OLFM3: variants seen among roughly 807,000 people sequenced by gnomAD.
OLFM3 encodes noelin-3.
A neutral mutation model predicts 48.6 loss-of-function variants in OLFM3; 20 were observed. The observed-to-expected ratio is 0.41, with a 90% CI of 0.29 to 0.60. The LOEUF is 0.60. OLFM3 is among the 20% of genes least tolerant of loss of function. The pLI is 0.28. For synonymous variants in OLFM3, 222 were observed against 198.1 expected (o/e 1.12, Z -1.01); for missense variants, 437 against 544.3 (o/e 0.80, Z 1.96).
chr1:101,853,090 C>T (rs1656285875), intron 1 of OLFM3, among the ~76,000 whole-genome samples: 1 of 152,020 alleles, frequency 6.6e-6, no homozygotes, highest in Non-Finnish European at 1.5e-5. Flanking sequence ...CCTAGATTCC[C>T]ATCTTTCTCA....
At chr1:101,817,884 T>G (rs1214877715) in intron 4 of OLFM3, among the ~76,000 whole-genome samples, 2 of 152,014 alleles carry the variant, frequency 1.3e-5, no homozygotes, top group Non-Finnish European at 2.9e-5. Flanking sequence ...ATTTATATTA[T>G]TTAAACTTTT....
At chr1:101,980,188 G>A (rs551596864) in intron 1 of OLFM3, among the ~76,000 whole-genome samples, 6 of 152,260 alleles carry the variant, frequency 3.9e-5, no homozygotes, top group African/African-American at 1.2e-4. Flanking sequence ...CAGATGAGAC[G>A]TTGGACTGTG....
chr1:101,978,561 T>TA (rs924945918), intron 1 of OLFM3, among the ~76,000 whole-genome samples: 11 of 152,166 alleles, frequency 7.2e-5, no homozygotes, highest in African/African-American at 2.2e-4. Context: ...AAAGTGCATT[T>TA]AAAAAATTAT....
intron 1 of OLFM3, among the ~76,000 whole-genome samples, chr1:101,955,785 T>C (rs1660270022): frequency 6.6e-6 from 1 of 151,944 alleles, no homozygotes. Context: ...ATATCTTCAG[T>C]CTTGAATGCT....
At chr1:101,933,555 T>C (rs909727616) in intron 1 of OLFM3, among the ~76,000 whole-genome samples, 1 of 152,080 alleles carries the variant, frequency 6.6e-6, no homozygotes, top group African/African-American at 2.4e-5. Flanking sequence ...ATATTGTCCA[T>C]GAAAATGTCC....
At chr1:101,993,977 C>T (rs555332864) in intron 1 of OLFM3, among the ~76,000 whole-genome samples, 6 of 150,804 alleles carry the variant, frequency 4.0e-5, no homozygotes, top group African/African-American at 7.3e-5. Flanking sequence ...AGACACACAC[C>T]GCATTATAAA....
chr1:101,912,305 C>A (rs551525721), intron 1 of OLFM3, among the ~76,000 whole-genome samples: 1 of 152,284 alleles, frequency 6.6e-6, no homozygotes, highest in African/African-American at 2.4e-5. Context: ...TAAATCTCAA[C>A]TAATAGGAGA....
intron 1 of OLFM3, among the ~76,000 whole-genome samples, chr1:101,903,909 T>G (rs565878522): frequency 6.6e-6 from 1 of 152,148 alleles, no homozygotes; most frequent in Admixed American, 6.6e-5. Flanking sequence ...TAAGGAAATA[T>G]GATTGTGTTT....
Position 101,996,767 on chromosome 1 carries a change from GCAAA to G in OLFM3, c.46_49del (p.Phe16ProfsTer3). On this transcript the variant is annotated frameshift_variant, in exon 1 of 6. Coordinates refer to ENST00000370103, the MANE Select transcript of OLFM3 (RefSeq NM_058170.4). LOFTEE classifies it high-confidence loss of function. ...TCATACCTTGGAAGGATCTAATCCG[GCAAA>G]CAAAGACAGCAGCAGGAGGTTGAGA... The G allele has an allele frequency of 6.2e-7, 1 of 1,614,206 alleles. No homozygotes were observed. Among genetic ancestry groups the G allele is most frequent in the Non-Finnish European group, 8.5e-7 (1 of 1,180,030 alleles).
chr1:101,922,541 T>C (rs1379462062), intron 1 of OLFM3, among the ~76,000 whole-genome samples: 3 of 152,202 alleles, frequency 2.0e-5, no homozygotes, highest in African/African-American at 7.2e-5. Flanking sequence ...GTTTCTTTCA[T>C]AAGGATGTTC....
rs149989815 is a variant in OLFM3, at chr1:101,925,254, CT to C, written c.69+71493del. Among the ~76,000 whole-genome samples the C allele has an allele frequency of 2.4e-3, 350 of 146,042 alleles. 3 individuals are homozygous for C. Among genetic ancestry groups the C allele is most frequent in the East Asian group, 0.019 (95 of 5,028 alleles). ...GACTGGGAAGGGCCTAAATATTTGT[CT>C]TTTTTTTTTCTATAATATTTGTATT... On this transcript the variant is annotated intron_variant, in intron 1 of 5. Transcript: ENST00000370103.
At chr1:101,838,108 C>A (rs1655525772) in intron 1 of OLFM3, among the ~76,000 whole-genome samples, 1 of 152,116 alleles carries the variant, frequency 6.6e-6, no homozygotes, top group Admixed American at 6.6e-5. Context: ...AAGCAATCCT[C>A]CCACCTCAGC....
At chr1:101,953,873 G>T (rs895861476) in intron 1 of OLFM3, among the ~76,000 whole-genome samples, 2 of 152,116 alleles carry the variant, frequency 1.3e-5, no homozygotes, top group Non-Finnish European at 2.9e-5. Context: ...GACAAATATA[G>T]ATTCATGTTA....
intron 1 of OLFM3, among the ~76,000 whole-genome samples, chr1:101,949,596 T>C (rs1328343099): frequency 3.3e-5 from 5 of 152,110 alleles, no homozygotes; most frequent in Non-Finnish European, 1.5e-5. Context: ...GAGTGACCTT[T>C]TTATAACAAA....
intron 1 of OLFM3, among the ~76,000 whole-genome samples, chr1:101,937,546 A>T (rs191463494): frequency 2.0e-5 from 3 of 152,204 alleles, no homozygotes; most frequent in Non-Finnish European, 2.9e-5. Context: ...GTTTTATAAG[A>T]AGGAGTTTCT....
chr1:101,827,564 G>A (rs1371131397), intron 3 of OLFM3, among the ~76,000 whole-genome samples: 1 of 152,056 alleles, frequency 6.6e-6, no homozygotes, highest in Non-Finnish European at 1.5e-5. Flanking sequence ...ACTTTGGAAC[G>A]TTCCATTTCC....
intron 1 of OLFM3, among the ~76,000 whole-genome samples, chr1:101,934,054 C>T (rs761971451): frequency 2.0e-5 from 3 of 152,120 alleles, no homozygotes; most frequent in Non-Finnish European, 2.9e-5. Flanking sequence ...AGCAATCATA[C>T]AATCATGTCT....
intron 5 of OLFM3, among the ~76,000 whole-genome samples, 174 bp from the exon 6 acceptor site, chr1:101,805,089 G>T (rs1171640951): frequency 1.3e-5 from 2 of 151,686 alleles, no homozygotes; most frequent in Non-Finnish European, 2.9e-5. Context: ...ATATTGCTAT[G>T]GTCTGTCCAT....
At chr1:101,922,570 C>T (rs946166477) in intron 1 of OLFM3, among the ~76,000 whole-genome samples, 2 of 152,136 alleles carry the variant, frequency 1.3e-5, no homozygotes, top group African/African-American at 4.8e-5. Flanking sequence ...GACTTTGCCT[C>T]CTCATTTCTT....
Sources: allele counts gnomAD v4.1 joint callset (sites outside exome capture counted in the v4.1 genomes callset), GRCh38; gene constraint gnomAD v4.1.1; transcripts MANE v1.5; gene names NCBI Gene and HGNC (gene_info 2026-07-23, HGNC 2026-07-21).